The following MAMLD1 variants were observed in gnomAD, a reference collection of about 807,000 sequenced individuals.
MAMLD1 encodes the protein mastermind like domain containing 1.
MAMLD1 carries 14 observed loss-of-function variants against 45.0 expected under a neutral mutation model. The ratio of observed to expected loss-of-function variants is 0.31; its 90% CI spans 0.21 to 0.49. MAMLD1 has a LOEUF of 0.49. Ranked by LOEUF, MAMLD1 falls within the 20% of genes least tolerant of loss-of-function variation. MAMLD1 has a pLI of 0.99. For synonymous variants in MAMLD1, 254 were observed against 247.8 expected, an observed-to-expected ratio of 1.02 and a Z score of -0.24; for missense variants, 543 against 603.6, an observed-to-expected ratio of 0.90 and a Z score of 1.05.
At chrX:150,413,293 T>G (rs2124537602) in intron 1 of MAMLD1, among the ~76,000 whole-genome samples, 1 of 111,166 alleles carries the variant, frequency 9.0e-6, no homozygotes, top group African/African-American at 3.3e-5. Context: ...TTCCCTTCTG[T>G]GTAAGTGTCA....
At chrX:150,425,620 C>A (rs2034677422) in intron 1 of MAMLD1, among the ~76,000 whole-genome samples, 2 of 112,051 alleles carry the variant, frequency 1.8e-5, no homozygotes, top group Non-Finnish European at 3.8e-5. Flanking sequence ...GCCCTCCACC[C>A]AAGCTTGAAT....
At chrX:150,383,627 C>A (rs1462093263) in intron 1 of MAMLD1, among the ~76,000 whole-genome samples, 2 of 110,940 alleles carry the variant, frequency 1.8e-5, no homozygotes, top group Non-Finnish European at 3.8e-5. Flanking sequence ...CACATACCAC[C>A]GAATTCACCC....
chrX:150,470,543 C>A lies in MAMLD1; in HGVS notation c.970C>A (p.Pro324Thr). 8.3e-7 allele frequency: 1 copy of A among 1,211,626 alleles called. No homozygotes were observed. The stretch of plus-strand genomic sequence containing the variant: ...GGGGTCTGCTACAAAGCAGCAAGGG[C>A]CCACCCCCAGTTGGTCTGGTCTGCC... Reference protein sequence around the residue: ...KQGSATKQQGPTPSWSGLPPP... With the variant: ...KQGSATKQQGTTPSWSGLPPP... Residue 324 changes from proline to threonine, a missense_variant, in exon 4 of 8, where the codon CCC becomes ACC. By Grantham distance (38) the Pro-to-Thr change is conservative. Coordinates refer to ENST00000370401, the MANE Select transcript of MAMLD1 (RefSeq NM_005491.5).
At chrX:150,367,402 C>A (rs1003696850) in intron 1 of MAMLD1, among the ~76,000 whole-genome samples, 1 of 111,204 alleles carries the variant, frequency 9.0e-6, no homozygotes, top group Non-Finnish European at 1.9e-5. Context: ...AAATTGATCA[C>A]CTAAAGGCAT....
At chrX:150,444,717 T>C (rs142536644) in intron 1 of MAMLD1, among the ~76,000 whole-genome samples, 1,272 of 111,845 alleles carry the variant, frequency 0.011, 20 homozygotes, top group African/African-American at 0.04. Context: ...ATTAATGTCT[T>C]AGTGGAGCTC....
chrX:150,368,055 A>T (rs1603201134), intron 1 of MAMLD1, among the ~76,000 whole-genome samples: 1 of 111,609 alleles, frequency 9.0e-6, no homozygotes, highest in East Asian at 2.8e-4. Flanking sequence ...CATGATTTAT[A>T]ATCCTTTGGG....
chrX:150,408,924 T>C (rs982478094), intron 1 of MAMLD1, among the ~76,000 whole-genome samples: 1 of 111,716 alleles, frequency 9.0e-6, no homozygotes, highest in Non-Finnish European at 1.9e-5. Flanking sequence ...GGAAATAAGA[T>C]AGGGAGTGGC....
intron 1 of MAMLD1, among the ~76,000 whole-genome samples, chrX:150,395,528 T>C (rs2033379975): frequency 9.0e-6 from 1 of 111,697 alleles, no homozygotes; most frequent in African/African-American, 3.3e-5. Context: ...TCCTTAAGTG[T>C]TATGTAGAAC....
upstream of MAMLD1, among the ~76,000 whole-genome samples, chrX:150,361,955 G>C (rs916520709): frequency 8.8e-6 from 1 of 113,047 alleles, no homozygotes; most frequent in Non-Finnish European, 1.9e-5. Context: ...CCAGTGGAAC[G>C]GGAGACTGGC....
chrX:150,440,371 A>G (rs1234438402), intron 1 of MAMLD1, among the ~76,000 whole-genome samples: 2 of 109,298 alleles, frequency 1.8e-5, no homozygotes, highest in Non-Finnish European at 3.8e-5. Context: ...CTGTCAAGGT[A>G]ATACAATGAG....
In MAMLD1 at chrX:150,435,500, A is replaced by T. The variant is rs111661736; in HGVS notation, c.-63-9954A>T. ...CTTCACTCCAGCCTGGGCAACAGAG[A>T]GAGACTCTGTCTCAAAAAAAATAAA... On this transcript the variant is annotated intron_variant, in intron 1 of 7. Transcript: ENST00000370401. 4.5e-5 allele frequency among the ~76,000 whole-genome samples: 5 copies of T among 110,825 alleles called. No homozygotes were observed. The South Asian group carries it at 1.2e-3, about 26-fold the overall frequency.
At chrX:150,434,192 A>G (rs192604815) in intron 1 of MAMLD1, among the ~76,000 whole-genome samples, 13 of 111,750 alleles carry the variant, frequency 1.2e-4, no homozygotes, top group African/African-American at 4.2e-4. Context: ...TTTTGTGCAT[A>G]GAGGTGTTGG....
intron 1 of MAMLD1, among the ~76,000 whole-genome samples, chrX:150,367,894 C>A (rs1483126397): frequency 9.0e-5 from 10 of 111,485 alleles, no homozygotes; most frequent in African/African-American, 2.0e-4. Flanking sequence ...TGAACTCATC[C>A]TTTTTTATGG....
upstream of MAMLD1, among the ~76,000 whole-genome samples, chrX:150,362,239 C>T (rs1371663254): frequency 2.7e-5 from 3 of 110,708 alleles, no homozygotes; most frequent in Non-Finnish European, 5.7e-5. Flanking sequence ...CCTCCCAGGG[C>T]GAGGGGAGGA....
chrX:150,410,312 G>A (rs1332550293), intron 1 of MAMLD1, among the ~76,000 whole-genome samples: 1 of 112,309 alleles, frequency 8.9e-6, no homozygotes, highest in Non-Finnish European at 1.9e-5. Flanking sequence ...TTGCATTGAA[G>A]TTAGTAATTT....
chrX:150,430,528 G>T (rs1373713669), intron 1 of MAMLD1, among the ~76,000 whole-genome samples: 2 of 111,325 alleles, frequency 1.8e-5, no homozygotes, highest in Non-Finnish European at 3.8e-5. Context: ...TTGGTGTCAC[G>T]TCTAAGAAAG....
At chrX:150,392,241 T>C (rs1372599730) in intron 1 of MAMLD1, among the ~76,000 whole-genome samples, 1 of 112,222 alleles carries the variant, frequency 8.9e-6, no homozygotes, top group Non-Finnish European at 1.9e-5. Flanking sequence ...GTCTTGTTGC[T>C]GCTAGGCAAG....
intron 5 of MAMLD1, 67 bp from the exon 6 acceptor site, chrX:150,503,207 G>A: frequency 1.0e-6 from 1 of 998,612 alleles, no homozygotes; most frequent in South Asian, 1.9e-5. Flanking sequence ...ACTCAGGGCA[G>A]TGACAAGATC....
At chrX:150,459,289 A>G (rs2035965866) in intron 2 of MAMLD1, among the ~76,000 whole-genome samples, 2 of 112,130 alleles carry the variant, frequency 1.8e-5, no homozygotes, top group South Asian at 7.5e-4. Context: ...ATAAGGTTAC[A>G]CTGAAGATGA....
Sources: gnomAD v4.1 joint callset for allele counts (sites outside exome capture counted in the v4.1 genomes callset) on GRCh38, gnomAD v4.1.1 for gene constraint, MANE v1.5 for transcripts, NCBI Gene and HGNC (gene_info 2026-07-23, HGNC 2026-07-21) for gene names.